SKP2: variants seen among roughly 807,000 people sequenced by gnomAD.
The protein encoded by SKP2 is S-phase kinase-associated protein 2.
Under a neutral mutation model 51.8 loss-of-function variants are expected in SKP2, and 16 were observed. That is an observed-to-expected ratio of 0.31 (90% confidence interval 0.21 to 0.47). SKP2 has a LOEUF of 0.47. Ranked by LOEUF, SKP2 falls within the 20% of genes least tolerant of loss-of-function variation. The pLI, the probability that SKP2 is intolerant of heterozygous loss-of-function variation, is 1.00. For synonymous variants in SKP2, 176 were observed against 198.6 expected (o/e 0.89, Z 0.96); for missense variants, 377 against 505.3 (o/e 0.75, Z 2.43).
At chr5:36,192,110 TAA>T (rs962565689) in intron 6 of SKP2, among the ~76,000 whole-genome samples, 5 of 152,122 alleles carry the variant, frequency 3.3e-5, no homozygotes, top group Admixed American at 6.5e-5. Flanking sequence ...TGATTTTCTT[TAA>T]AAAAAGTCTT....
chr5:36,156,557 A>T (rs542720007), intron 2 of SKP2, among the ~76,000 whole-genome samples: 28 of 152,252 alleles, frequency 1.8e-4, no homozygotes, highest in African/African-American at 6.7e-4. Flanking sequence ...CCTTGGAGTG[A>T]GTGTATGGAA....
downstream of SKP2, among the ~76,000 whole-genome samples, chr5:36,187,590 T>A (rs1003234376): frequency 4.6e-5 from 7 of 152,208 alleles, no homozygotes; most frequent in African/African-American, 1.7e-4. Context: ...CACACTGTGG[T>A]CTGAGAGACA....
At chr5:36,184,781 A>G (rs1745928029), downstream of SKP2, among the ~76,000 whole-genome samples, 1 of 152,204 alleles carries the variant, frequency 6.6e-6, no homozygotes, top group African/African-American at 2.4e-5. Context: ...TATACCCAGT[A>G]ATGGGATGGC....
chr5:36,190,462 A>AAAT (rs1188169122), intron 6 of SKP2, among the ~76,000 whole-genome samples: 3 of 113,490 alleles, frequency 2.6e-5, no homozygotes, highest in Non-Finnish European at 5.6e-5. Flanking sequence ...AAAAGTCAGC[A>AAAT]GCATTTTAAA....
At chr5:36,161,085 A>G (rs1309683231) in intron 2 of SKP2, among the ~76,000 whole-genome samples, 3 of 151,838 alleles carry the variant, frequency 2.0e-5, no homozygotes, top group Non-Finnish European at 4.4e-5. Context: ...CCCGAATCCT[A>G]CTGTAGCCCA....
At chr5:36,188,636 G>A (rs935581084), downstream of SKP2, among the ~76,000 whole-genome samples, 4 of 152,238 alleles carry the variant, frequency 2.6e-5, no homozygotes, top group East Asian at 5.8e-4. Context: ...TGGGTAACCC[G>A]ACCTTTCTCT....
chr5:36,176,416 A>G (rs1364618265), intron 7 of SKP2, among the ~76,000 whole-genome samples: 2 of 151,452 alleles, frequency 1.3e-5, no homozygotes, highest in African/African-American at 2.4e-5. Context: ...CAATTAAATA[A>G]TTACCCTGAA....
chr5:36,175,284 A>G (rs1049197021), intron 7 of SKP2, among the ~76,000 whole-genome samples: 5 of 152,090 alleles, frequency 3.3e-5, no homozygotes, highest in Non-Finnish European at 5.9e-5. Flanking sequence ...CTGAGATGGG[A>G]AAGAGTTTAG....
At chr5:36,166,782 T>C (rs934402865) in intron 4 of SKP2, 120 bp downstream of exon 4, 7 of 824,388 alleles carry the variant, frequency 8.5e-6, no homozygotes, top group African/African-American at 3.5e-5. Flanking sequence ...ATCTGTGCAG[T>C]GTGGGATGTT....
chr5:36,169,360 G>A (rs758566722), intron 5 of SKP2, among the ~76,000 whole-genome samples: 3 of 152,010 alleles, frequency 2.0e-5, no homozygotes, highest in East Asian at 3.9e-4. Flanking sequence ...CAGGAGAATC[G>A]CTTGAACCCG....
At chr5:36,163,621 C>A in intron 2 of SKP2, 24 bp from the exon 3 acceptor site, 1 of 1,430,298 alleles carries the variant, frequency 7.0e-7, no homozygotes, top group Non-Finnish European at 9.9e-7. Context: ...ATGGTGATGG[C>A]AAACACTTGT....
At position 36,152,945 on chromosome 5, in the gene SKP2, C is replaced by T. The variant is rs774351220; in HGVS notation, c.183C>T (p.His61=). ...IPQELLSNLG[H]PESPPRKRLK... ...AGGAACTGCTCTCAAACCTGGGCCA[C>T]CCGGAGAGCCCCCCACGGAAACGGC... The change falls in exon 2 of 10, where the codon CAC becomes CAT. Residue 61 remains histidine, a synonymous_variant. Coordinates refer to ENST00000274255, the MANE Select transcript of SKP2 (RefSeq NM_005983.4). 2.0e-5 allele frequency: 32 copies of T among 1,614,128 alleles called. No individual in the cohort carries two copies. In the South Asian group the frequency reaches 3.2e-4, roughly 16 times the overall value.
At chr5:36,155,657 G>C (rs570725429) in intron 2 of SKP2, among the ~76,000 whole-genome samples, 1 of 151,966 alleles carries the variant, frequency 6.6e-6, no homozygotes, top group Non-Finnish European at 1.5e-5. Context: ...AATGTTCACC[G>C]CTCTTCTTTG....
At chr5:36,190,141 G>A (rs1322848218) in intron 6 of SKP2, among the ~76,000 whole-genome samples, 1 of 152,120 alleles carries the variant, frequency 6.6e-6, no homozygotes, top group Non-Finnish European at 1.5e-5. Context: ...GGCTAGGAAA[G>A]GGAATTCCCT....
rs1744743909 is a variant in SKP2 at position 36,152,149 on chromosome 5, T to C, written c.-114T>C. The C allele has an allele frequency of 1.8e-6, 2 of 1,104,244 alleles. No individual in the cohort carries two copies. The highest frequency in any genetic ancestry group is 2.3e-5 in the East Asian group (1 of 42,556). 68.4% of individuals were successfully genotyped at this position (1,104,244 alleles called of 1,614,324 possible). On this transcript the variant is annotated 5_prime_UTR_variant, in exon 1 of 10. Coordinates refer to ENST00000274255, the MANE Select transcript of SKP2 (RefSeq NM_005983.4). Reference sequence around the variant, plus strand: ...CGTTGCTAGGCTTAGCGGGTCTGGCTGCTGGGGGCCCGAGCAGCACGCTCG... The same window carrying C: ...CGTTGCTAGGCTTAGCGGGTCTGGCCGCTGGGGGCCCGAGCAGCACGCTCG...
intron 2 of SKP2, among the ~76,000 whole-genome samples, chr5:36,156,758 C>A (rs549529224): frequency 5.9e-5 from 9 of 152,060 alleles, no homozygotes; most frequent in Admixed American, 2.0e-4. Context: ...AATTCCAGAC[C>A]CTAAAGTGGT....
At chr5:36,170,201 G>A (rs976949923) in intron 5 of SKP2, 143 bp from the exon 6 acceptor site, 1 of 479,352 alleles carries the variant, frequency 2.1e-6, no homozygotes, top group Non-Finnish European at 3.8e-6. Flanking sequence ...CCTGTTTGAT[G>A]TCTGAGAGAT....
downstream of SKP2, among the ~76,000 whole-genome samples, chr5:36,187,042 T>G (rs1446677008): frequency 1.3e-5 from 2 of 152,362 alleles, no homozygotes; most frequent in East Asian, 3.9e-4. Flanking sequence ...GAGGTGTTTA[T>G]AGTATTCTCT....
chr5:36,173,793 A>C (rs1199069680), intron 7 of SKP2, among the ~76,000 whole-genome samples: 1 of 152,138 alleles, frequency 6.6e-6, no homozygotes, highest in Non-Finnish European at 1.5e-5. Context: ...AAAGTTTTTA[A>C]TGTCATTAAC....
Sources: gnomAD v4.1 joint callset for allele counts (sites outside exome capture counted in the v4.1 genomes callset) on GRCh38, gnomAD v4.1.1 for gene constraint, MANE v1.5 for transcripts, NCBI Gene and HGNC (gene_info 2026-07-23, HGNC 2026-07-21) for gene names.